The following AASS variants were observed in gnomAD, a reference collection of about 807,000 sequenced individuals.
The protein encoded by AASS is alpha-aminoadipic semialdehyde synthase, mitochondrial.
Under a neutral mutation model 105.4 loss-of-function variants are expected in AASS, and 86 were observed. That is an observed-to-expected ratio of 0.82 (90% CI 0.69 to 0.98). The LOEUF (loss-of-function observed/expected upper bound fraction) is 0.98, where lower values mean the gene tolerates loss of function less well. Among genes scored for constraint, AASS ranks in the 50% least tolerant of loss-of-function variants. The pLI is 0.00. For missense variants in AASS, 1,048 were observed against 1,143.2 expected (o/e 0.92, Z 1.20); for synonymous variants, 381 against 394.8 (o/e 0.96, Z 0.41).
At chr7:122,134,147 A>G (rs1202618769) in intron 1 of AASS, among the ~76,000 whole-genome samples, 1 of 152,184 alleles carries the variant, frequency 6.6e-6, no homozygotes, top group African/African-American at 2.4e-5. Context: ...AAATCCTTAT[A>G]ATGGTATACA....
chr7:122,126,528 G>A, intron 3 of AASS, 69 bp from the exon 4 acceptor site: 1 of 1,264,768 alleles, frequency 7.9e-7, no homozygotes, highest in Non-Finnish European at 1.2e-6. Context: ...AGACATATAT[G>A]AGCAAGTAAA....
intron 4 of AASS, among the ~76,000 whole-genome samples, chr7:122,122,135 TC>T (rs1795467736): frequency 6.6e-6 from 1 of 152,200 alleles, no homozygotes; most frequent in Admixed American, 6.5e-5. Flanking sequence ...GGTTCTACTG[TC>T]ATTTTCTTTG....
At position 122,075,478 on chromosome 7, in the gene AASS, C is replaced by A. The variant is rs1584797800; in HGVS notation, c.*1011G>T. 6.6e-6 allele frequency among the ~76,000 whole-genome samples: 1 copy of A among 152,262 alleles called. No individual in the cohort carries two copies. Among genetic ancestry groups the A allele is most frequent in the East Asian group, 1.9e-4 (1 of 5,180 alleles). ...TCCAGTACAAGTTGAATAGAAATGGCCAAAGCAGACATCCTTGTCTTGTTT... is the reference window on the plus strand; with the variant it reads ...TCCAGTACAAGTTGAATAGAAATGGACAAAGCAGACATCCTTGTCTTGTTT... On this transcript the variant is annotated 3_prime_UTR_variant, in exon 24 of 24. Coordinates refer to ENST00000417368, the MANE Select transcript of AASS (RefSeq NM_005763.4).
chr7:122,129,077 CA>C (rs969838601), intron 3 of AASS, among the ~76,000 whole-genome samples: 10 of 150,758 alleles, frequency 6.6e-5, no homozygotes, highest in African/African-American at 1.7e-4. Flanking sequence ...GACTCCATCT[CA>C]AAAAAAAATC....
intron 3 of AASS, among the ~76,000 whole-genome samples, chr7:122,128,559 G>A (rs1795762813): frequency 6.6e-6 from 1 of 152,110 alleles, no homozygotes; most frequent in Non-Finnish European, 1.5e-5. Context: ...GATATTAGAT[G>A]TCTTATTCAT....
At chr7:122,079,259 C>A in intron 21 of AASS, 4 of 1,353,962 alleles carry the variant, frequency 3.0e-6, no homozygotes, top group Non-Finnish European at 3.8e-6. Context: ...TTAGGTATAC[C>A]AGCAGGATGC....
intron 11 of AASS, among the ~76,000 whole-genome samples, chr7:122,105,175 G>C (rs912881449): frequency 6.6e-6 from 1 of 151,998 alleles, no homozygotes; most frequent in Non-Finnish European, 1.5e-5. Flanking sequence ...AGAAGTCATA[G>C]CAATTGTAAA....
intron 18 of AASS, among the ~76,000 whole-genome samples, chr7:122,086,699 ATTCTT>A (rs1265065441): frequency 3.9e-5 from 6 of 152,128 alleles, no homozygotes; most frequent in Non-Finnish European, 8.8e-5. Context: ...CAATATTCTC[ATTCTT>A]TTCTTTTACT....
intron 1 of AASS, 112 bp downstream of exon 1, chr7:122,144,049 G>C (rs1796523916): frequency 6.6e-6 from 1 of 152,148 alleles, no homozygotes; most frequent in South Asian, 2.1e-4. Context: ...CCAGGCTCGC[G>C]GGCCCCTCCC....
At chr7:122,078,399 G>C (rs1793136560) in intron 22 of AASS, among the ~76,000 whole-genome samples, 1 of 151,884 alleles carries the variant, frequency 6.6e-6, no homozygotes, top group African/African-American at 2.4e-5. Context: ...GGATCACGAG[G>C]TCAGGAGATG....
Position 122,076,455 on chromosome 7 carries a change from G to T in AASS, c.*34C>A. 1.4e-6 allele frequency: 2 copies of T among 1,392,142 alleles called. No individual in the cohort carries two copies. Among genetic ancestry groups the T allele is most frequent in the Non-Finnish European group, 2.0e-6 (2 of 978,040 alleles). 86.2% of individuals were successfully genotyped at this position (1,392,142 alleles called of 1,614,324 possible). On this transcript the variant is annotated 3_prime_UTR_variant, in exon 24 of 24. Coordinates refer to ENST00000417368, the MANE Select transcript of AASS (RefSeq NM_005763.4). The stretch of plus-strand genomic sequence containing the variant: ...TCACACACATGTTCAGAGGTGTATT[G>T]CCTGGGAAGAAAAAAACAAAATATA...
At chr7:122,087,513 C>T (rs1793685859) in intron 18 of AASS, among the ~76,000 whole-genome samples, 1 of 152,156 alleles carries the variant, frequency 6.6e-6, no homozygotes, top group Admixed American at 6.5e-5. Context: ...TTCTGAACTA[C>T]TTCTTTAAAA....
At chr7:122,121,368 A>G (rs1314202117) in intron 4 of AASS, among the ~76,000 whole-genome samples, 1 of 152,084 alleles carries the variant, frequency 6.6e-6, no homozygotes, top group African/African-American at 2.4e-5. Context: ...ACATTGTTTC[A>G]TTTGAAACTA....
chr7:122,129,992 G>A (rs767848834), intron 2 of AASS, among the ~76,000 whole-genome samples: 3 of 152,048 alleles, frequency 2.0e-5, no homozygotes, highest in South Asian at 4.1e-4. Flanking sequence ...ACATTAGTCC[G>A]TGCTAGAGAT....
At chr7:122,134,599 T>C (rs1796061972) in intron 1 of AASS, among the ~76,000 whole-genome samples, 1 of 152,162 alleles carries the variant, frequency 6.6e-6, no homozygotes, top group South Asian at 2.1e-4. Flanking sequence ...AAGATCATTT[T>C]TTCTAGTAAT....
chr7:122,094,426 C>T (rs1263582166), intron 15 of AASS, among the ~76,000 whole-genome samples: 1 of 151,446 alleles, frequency 6.6e-6, no homozygotes, highest in Non-Finnish European at 1.5e-5. Flanking sequence ...TTTTAATGAA[C>T]TAGAGAAAAT....
intron 10 of AASS, 91 bp downstream of exon 10, chr7:122,113,507 C>G: frequency 6.5e-7 from 1 of 1,532,950 alleles, no homozygotes; most frequent in Non-Finnish European, 8.9e-7. Flanking sequence ...ATTTTCATAA[C>G]TTCATAAAGA....
rs1795210942 is a variant in AASS, at chr7:122,116,948, C to T, written c.697G>A (p.Ala233Thr). 1.2e-6 allele frequency: 2 copies of T among 1,613,684 alleles called. No individual in the cohort carries two copies. Among genetic ancestry groups the T allele is most frequent in the Non-Finnish European group, 1.7e-6 (2 of 1,179,888 alleles). ...TCACAAGGTAGCTCATTAAAGATTG[C>T]TTGGGCTCCCTACAAATAACACATG... ...GTGNVSKGAQAIFNELPCEYV... is the reference protein window; with the variant it reads ...GTGNVSKGAQTIFNELPCEYV... Residue 233 changes from alanine to threonine, a missense_variant, in exon 7 of 24, where the codon GCA becomes ACA. Transcript: ENST00000417368.
intron 1 of AASS, among the ~76,000 whole-genome samples, chr7:122,136,662 A>G (rs1160842389): frequency 6.6e-6 from 1 of 152,212 alleles, no homozygotes; most frequent in Non-Finnish European, 1.5e-5. Context: ...AACATACACA[A>G]ATGTCCAGAA....
Sources: gnomAD v4.1 joint callset for allele counts (sites outside exome capture counted in the v4.1 genomes callset) on GRCh38, gnomAD v4.1.1 for gene constraint, MANE v1.5 for transcripts, NCBI Gene and HGNC (gene_info 2026-07-23, HGNC 2026-07-21) for gene names.